The following CHN1 variants were observed in gnomAD, a reference collection of about 807,000 sequenced individuals.
CHN1 encodes the protein chimerin 1, also known as N-chimaerin.
Under a neutral mutation model 59.5 loss-of-function variants are expected in CHN1, and 37 were observed. The ratio of observed to expected loss-of-function variants is 0.62; its 90% confidence interval spans 0.48 to 0.82. The LOEUF (loss-of-function observed/expected upper bound fraction) is 0.82, where lower values mean the gene tolerates loss of function less well. CHN1 is among the 40% of genes least tolerant of loss of function. The probability of loss-of-function intolerance (pLI) is 0.00; values close to 1 mark genes in which losing one functional copy is unlikely to be tolerated. For missense variants in CHN1, 469 were observed against 571.0 expected (o/e 0.82, Z 1.82); for synonymous variants, 206 against 200.4 (o/e 1.03, Z -0.24).
chr2:174,972,491 C>T (rs1690789724), intron 1 of CHN1, among the ~76,000 whole-genome samples: 1 of 152,126 alleles, frequency 6.6e-6, no homozygotes. Context: ...TTTACACTTC[C>T]TGTAATATTT....
intron 5 of CHN1, among the ~76,000 whole-genome samples, chr2:174,889,535 C>T (rs1687986407): frequency 6.6e-6 from 1 of 151,744 alleles, no homozygotes. Flanking sequence ...GACACAGAAA[C>T]TATAAAAAAG....
chr2:174,816,629 C>T (rs560252648), intron 8 of CHN1, among the ~76,000 whole-genome samples: 1 of 152,182 alleles, frequency 6.6e-6, no homozygotes, highest in African/African-American at 2.4e-5. Context: ...AAATTAGCCA[C>T]CAGGGAACTC....
chr2:174,971,037 G>A (rs539469611), intron 1 of CHN1, among the ~76,000 whole-genome samples: 4 of 152,232 alleles, frequency 2.6e-5, no homozygotes, highest in African/African-American at 9.6e-5. Context: ...GTCATTTTTC[G>A]ACTGGGCGTG....
chr2:174,998,105 C>T (rs1691769895), intron 1 of CHN1, among the ~76,000 whole-genome samples: 2 of 151,464 alleles, frequency 1.3e-5, no homozygotes, highest in Admixed American at 6.6e-5. Context: ...GAGTTCAAGA[C>T]CAGCCTGGCC....
At chr2:174,877,293 CTCAT>C (rs1011194494) in intron 6 of CHN1, among the ~76,000 whole-genome samples, 7 of 151,954 alleles carry the variant, frequency 4.6e-5, no homozygotes, top group Admixed American at 2.6e-4. Context: ...GTGAATCTTA[CTCAT>C]TCAATTACTT....
rs530576143 is a variant in CHN1 at position 174,943,220 on chromosome 2, ATGTTTT to A, written c.114+1662_114+1667del. Among the ~76,000 whole-genome samples the A allele has an allele frequency of 2.1e-3, 319 of 150,002 alleles. 1 individual carries two copies. Among genetic ancestry groups the A allele is most frequent in the African/African-American group, 6.7e-3 (273 of 40,816 alleles). Reference sequence around the variant, plus strand: ...TGTGTGTGTGTGTGTATGTGTGTACATGTTTTTGTTTTTGTTTTTGTTTTGAGATGG... The same window carrying A: ...TGTGTGTGTGTGTGTATGTGTGTACATGTTTTTGTTTTTGTTTTGAGATGG... On this transcript the variant is annotated intron_variant, in intron 3 of 12. Transcript: ENST00000409900.
chr2:174,907,338 G>GTGGC (rs1688570214), intron 5 of CHN1, among the ~76,000 whole-genome samples: 1 of 152,154 alleles, frequency 6.6e-6, no homozygotes, highest in African/African-American at 2.4e-5. Context: ...ACAGACCCAT[G>GTGGC]TGGCTCCTTT....
At chr2:174,860,046 AAT>A (rs1364657099) in intron 6 of CHN1, among the ~76,000 whole-genome samples, 1 of 152,144 alleles carries the variant, frequency 6.6e-6, no homozygotes, top group Non-Finnish European at 1.5e-5. Context: ...TTTGTCAGAT[AAT>A]ATATCAGGGC....
intron 6 of CHN1, among the ~76,000 whole-genome samples, chr2:174,871,351 GAAAAATAC>G (rs1273960096): frequency 1.3e-5 from 2 of 151,812 alleles, no homozygotes; most frequent in Non-Finnish European, 2.9e-5. Context: ...TTCTTTAAGG[GAAAAATAC>G]GTAGTAGCAA....
chr2:174,974,898 TACACACACACACAC>T (rs373940330), intron 1 of CHN1, among the ~76,000 whole-genome samples: 27 of 144,366 alleles, frequency 1.9e-4, no homozygotes, highest in Middle Eastern at 3.4e-3. Flanking sequence ...AAATAATTAA[TACACACACACACAC>T]ACACACACAC....
At chr2:174,852,353 C>T (rs1686760972) in intron 6 of CHN1, among the ~76,000 whole-genome samples, 1 of 151,984 alleles carries the variant, frequency 6.6e-6, no homozygotes, top group African/African-American at 2.4e-5. Flanking sequence ...AAATAAAATA[C>T]CTGGGGATAT....
intron 2 of CHN1, among the ~76,000 whole-genome samples, chr2:174,950,521 CAA>C (rs1165608958): frequency 6.6e-6 from 1 of 151,950 alleles, no homozygotes; most frequent in Admixed American, 6.6e-5. Flanking sequence ...CTCAGCCTCC[CAA>C]AGTGTTGGGA....
intron 3 of CHN1, among the ~76,000 whole-genome samples, chr2:174,922,954 G>A (rs909624723): frequency 6.6e-6 from 1 of 152,084 alleles, no homozygotes; most frequent in African/African-American, 2.4e-5. Context: ...GGCATAAATA[G>A]AGATCTGGAA....
rs1188919110 is a variant in CHN1, at chr2:174,915,063, A to C, written c.255T>G (p.Ala85=). The change falls in exon 5 of 13, where the codon GCT becomes GCG. Residue 85 remains alanine (A), a synonymous_variant. Transcript: ENST00000409900. ...ATTGCAGGCCCATGACCAACCTTAAAGCCAAAGTGTAGGTCCCTGGCTGCC... is the reference window on the plus strand; with the variant it reads ...ATTGCAGGCCCATGACCAACCTTAACGCCAAAGTGTAGGTCCCTGGCTGCC... ...SQRQPGTYTL[A]LRFGSQTRNF... is the part of the protein sequence containing the mutation. 6.2e-7 allele frequency: 1 copy of C among 1,607,672 alleles called. No homozygotes were observed. The highest frequency in any genetic ancestry group is 8.5e-7 in the Non-Finnish European group (1 of 1,176,264).
intron 6 of CHN1, chr2:174,847,780 A>AT (rs1686583987): frequency 2.3e-6 from 1 of 429,726 alleles, no homozygotes; most frequent in Admixed American, 3.3e-5. Flanking sequence ...AGGCAAAAAA[A>AT]AAAAAAAAAA....
chr2:174,863,760 G>T (rs1687134057), intron 6 of CHN1, among the ~76,000 whole-genome samples: 1 of 152,100 alleles, frequency 6.6e-6, no homozygotes, highest in Non-Finnish European at 1.5e-5. Context: ...ATATAGATGT[G>T]TAGATAGAAA....
intron 5 of CHN1, among the ~76,000 whole-genome samples, chr2:174,892,983 G>A (rs1211260093): frequency 6.6e-6 from 1 of 152,026 alleles, no homozygotes; most frequent in Non-Finnish European, 1.5e-5. Flanking sequence ...GTATAAAAGG[G>A]TTATAGATAA....
In CHN1 at chr2:175,005,319, C is replaced by T. The variant is rs1392202622; in HGVS notation, c.-407G>A. ...AGCAGCAGCCTCGCACAGCCCCCGG[C>T]GGGGCGCGCTCACTCCGCATCCCGC... On this transcript the variant is annotated 5_prime_UTR_variant, in exon 1 of 13. Coordinates refer to ENST00000409900, the MANE Select transcript of CHN1 (RefSeq NM_001822.7). 4 of 1,180,830 alleles carry T rather than the reference C, an allele frequency of 3.4e-6. No individual in the cohort carries two copies. The highest frequency in any genetic ancestry group is 3.5e-5 in the Admixed American group (1 of 28,918). The allele number at this position is 1,180,830 out of a possible 1,614,324, so 73.1% of individuals were successfully genotyped here.
intron 5 of CHN1, among the ~76,000 whole-genome samples, chr2:174,886,116 T>C (rs2105342032): frequency 6.6e-6 from 1 of 152,308 alleles, no homozygotes; most frequent in Non-Finnish European, 1.5e-5. Context: ...AACATGAGTG[T>C]GAGTGCTTAT....
Sources: allele counts gnomAD v4.1 joint callset (sites outside exome capture counted in the v4.1 genomes callset), GRCh38; gene constraint gnomAD v4.1.1; transcripts MANE v1.5; gene names NCBI Gene and HGNC (gene_info 2026-07-23, HGNC 2026-07-21).